IPO11: variants seen among roughly 807,000 people sequenced by gnomAD.
The protein encoded by IPO11 is importin 11, also known as importin-11.
Under a neutral mutation model 143.2 loss-of-function variants are expected in IPO11, and 66 were observed. The observed-to-expected ratio is 0.46, with a 90% CI of 0.38 to 0.57. The LOEUF (loss-of-function observed/expected upper bound fraction) is 0.57. IPO11 is among the 20% of genes least tolerant of loss of function. The pLI is 0.00. For missense variants in IPO11, 1,026 were observed against 1,141.0 expected (o/e 0.90, Z 1.45); for synonymous variants, 385 against 377.8 (o/e 1.02, Z -0.22).
chr5:62,505,256 A>G (rs1741514940), intron 18 of IPO11, among the ~76,000 whole-genome samples: 1 of 151,874 alleles, frequency 6.6e-6, no homozygotes, highest in Middle Eastern at 3.2e-3. Context: ...GCATTTGTAT[A>G]TCTTTATCCT....
At chr5:62,450,125 TTATC>T (rs533627197) in intron 4 of IPO11, 126 bp downstream of exon 4, 61 of 538,966 alleles carry the variant, frequency 1.1e-4, no homozygotes, top group African/African-American at 9.1e-4. Context: ...TGTGATGTTT[TTATC>T]TATTTTTAAA....
At chr5:62,496,646 T>C (rs575275826) in intron 16 of IPO11, among the ~76,000 whole-genome samples, 32 of 152,326 alleles carry the variant, frequency 2.1e-4, no homozygotes, top group Admixed American at 8.5e-4. Flanking sequence ...AGATATCTTA[T>C]ACATGCATAC....
chr5:62,459,318 C>G (rs1745275938), intron 5 of IPO11, among the ~76,000 whole-genome samples: 1 of 152,006 alleles, frequency 6.6e-6, no homozygotes, highest in South Asian at 2.1e-4. Flanking sequence ...ATGTAAGTAA[C>G]AAATGCTATA....
intron 5 of IPO11, among the ~76,000 whole-genome samples, chr5:62,462,559 A>G (rs1411262122): frequency 6.6e-6 from 1 of 151,916 alleles, no homozygotes; most frequent in Non-Finnish European, 1.5e-5. Context: ...TTTTACAGAC[A>G]GGGTTTTGTC....
chr5:62,429,440 CAG>C (rs1054476955), intron 1 of IPO11, among the ~76,000 whole-genome samples: 65 of 152,154 alleles, frequency 4.3e-4, no homozygotes, highest in African/African-American at 1.5e-3. Context: ...GTTTTTGAGA[CAG>C]AGTCTCACTG....
intron 3 of IPO11, among the ~76,000 whole-genome samples, chr5:62,444,931 T>C (rs1428839980): frequency 6.6e-6 from 1 of 151,196 alleles, no homozygotes; most frequent in Non-Finnish European, 1.5e-5. Context: ...TAAATATATA[T>C]ATAAATGATT....
intron 6 of IPO11, among the ~76,000 whole-genome samples, chr5:62,469,898 G>A (rs1232353634): frequency 6.6e-6 from 1 of 152,066 alleles, no homozygotes; most frequent in African/African-American, 2.4e-5. Flanking sequence ...AAGGTTTTTG[G>A]TTACCGTTGA....
At chr5:62,528,166 A>G (rs1253540474) in intron 21 of IPO11, among the ~76,000 whole-genome samples, 1 of 152,242 alleles carries the variant, frequency 6.6e-6, no homozygotes, top group Non-Finnish European at 1.5e-5. Context: ...ATCTACAAAG[A>G]CAGAGAAGAG....
chr5:62,619,458 A>T (rs1249611973), intron 29 of IPO11, among the ~76,000 whole-genome samples: 1 of 152,238 alleles, frequency 6.6e-6, no homozygotes, highest in Non-Finnish European at 1.5e-5. Flanking sequence ...ACTATCAGCA[A>T]ATTTGATCTA....
intron 25 of IPO11, 115 bp downstream of exon 25, chr5:62,550,577 T>C (rs1408982864): frequency 2.9e-6 from 2 of 681,810 alleles, no homozygotes; most frequent in Non-Finnish European, 4.6e-6. Flanking sequence ...TATTAAATTA[T>C]GTTAAATTTT....
At chr5:62,579,279 T>C in intron 27 of IPO11, 1 of 685,090 alleles carries the variant, frequency 1.5e-6, no homozygotes, top group South Asian at 1.8e-5. Flanking sequence ...TACCATGGTA[T>C]GATTTATGAT....
At chr5:62,495,540 T>C (rs946599238) in intron 16 of IPO11, among the ~76,000 whole-genome samples, 1 of 152,180 alleles carries the variant, frequency 6.6e-6, no homozygotes, top group Non-Finnish European at 1.5e-5. Flanking sequence ...AGTGATACTA[T>C]CACGGCTCAT....
chr5:62,598,418 TTCTTTCTTTCTTTCTCTCTCTC>T (rs1745323895), intron 28 of IPO11, among the ~76,000 whole-genome samples: 1 of 9,412 alleles, frequency 1.1e-4, no homozygotes, highest in Non-Finnish European at 1.6e-4. Context: ...CTTTCTTTCT[TTCTTTCTTTCTTTCTCTCTCTC>T]TCTCTCTCTC....
chr5:62,545,913 A>T (rs1465040385), intron 24 of IPO11, among the ~76,000 whole-genome samples: 2 of 152,232 alleles, frequency 1.3e-5, no homozygotes, highest in African/African-American at 2.4e-5. Context: ...ATCTCACACC[A>T]GTTAGAATGG....
intron 27 of IPO11, among the ~76,000 whole-genome samples, chr5:62,567,062 C>G (rs1743969152): frequency 6.6e-6 from 1 of 152,136 alleles, no homozygotes; most frequent in African/African-American, 2.4e-5. Flanking sequence ...CCATTATTTT[C>G]TTTAAGATTG....
intron 26 of IPO11, 98 bp downstream of exon 26, chr5:62,551,434 A>G: frequency 3.0e-6 from 2 of 667,712 alleles, no homozygotes; most frequent in Non-Finnish European, 5.2e-6. Flanking sequence ...GTCGCTTTGT[A>G]GTATTTAGAC....
intron 29 of IPO11, among the ~76,000 whole-genome samples, chr5:62,621,229 T>G (rs939051544): frequency 6.6e-6 from 1 of 152,180 alleles, no homozygotes; most frequent in Non-Finnish European, 1.5e-5. Context: ...CAGAAGTCAT[T>G]GTAATGATAA....
intron 6 of IPO11, among the ~76,000 whole-genome samples, chr5:62,468,703 C>G (rs891706802): frequency 3.9e-5 from 6 of 152,270 alleles, no homozygotes; most frequent in Admixed American, 3.9e-4. Context: ...AGCCTAACTC[C>G]TGACGAAAAA....
At chr5:62,426,119 G>C (rs1267580015) in intron 1 of IPO11, among the ~76,000 whole-genome samples, 1 of 152,138 alleles carries the variant, frequency 6.6e-6, no homozygotes, top group Non-Finnish European at 1.5e-5. Context: ...GGTCGTGGTG[G>C]CTCACGTCTG....
Sources: allele counts gnomAD v4.1 joint callset (sites outside exome capture counted in the v4.1 genomes callset), GRCh38; gene constraint gnomAD v4.1.1; transcripts MANE v1.5; gene names NCBI Gene and HGNC (gene_info 2026-07-23, HGNC 2026-07-21).